PAN2: variants seen among roughly 807,000 people sequenced by gnomAD.
PAN2 encodes poly(A) specific ribonuclease subunit PAN2, also known as PAN2-PAN3 deadenylation complex catalytic subunit PAN2.
A neutral mutation model predicts 133.3 loss-of-function variants in PAN2; 68 were observed. The observed-to-expected ratio is 0.51, with a 90% CI of 0.42 to 0.62. The LOEUF is 0.62. Ranked by LOEUF, PAN2 falls within the 20% of genes least tolerant of loss-of-function variation. The pLI is 0.00. For synonymous variants in PAN2, 462 were observed against 544.6 expected, an observed-to-expected ratio of 0.85 and a Z score of 2.11; for missense variants, 1,042 against 1,500.5, an observed-to-expected ratio of 0.69 and a Z score of 5.05.
Position 56,322,731 on chromosome 12 carries a change from G to A in PAN2, c.2521C>T (p.His841Tyr), listed in dbSNP as rs1465957099. The A allele has an allele frequency of 6.2e-7, 1 of 1,613,822 alleles. No homozygotes were observed. Among genetic ancestry groups the A allele is most frequent in the South Asian group, 1.1e-5 (1 of 91,074 alleles). ...QWGPARAEEE[H>Y]GVYVYDLMAT... ...ATCAGGTCATACACATAGACACCAT[G>A]CTCCTCCTCTGCCCTGGCTGGGCCC... Residue 841 changes from histidine (H) to tyrosine (Y), a missense_variant, in exon 18 of 26, where the codon CAT becomes TAT. His to Tyr is a moderately conservative substitution (Grantham distance 83). This residue lies in a region of PAN2 where 908 missense variants were observed against 1,223.5 expected (regional missense o/e 0.74). Coordinates refer to ENST00000440411, the MANE Select transcript of PAN2 (RefSeq NM_014871.6).
chr12:56,326,979 C>T lies in PAN2; in HGVS notation c.920-20G>A, dbSNP rs1291082248. 1 of 1,593,236 alleles carries T rather than the reference C, an allele frequency of 6.3e-7. No individual in the cohort carries two copies. The highest frequency in any genetic ancestry group is 1.3e-5 in the African/African-American group (1 of 74,416). On this transcript the variant is annotated intron_variant, in intron 6 of 25. Transcript: ENST00000440411. ...ACTGCCCTACAAAGGAGGAAGAAACCCACTGAGCCCTAGAAAGTGAAAGGG... is the reference window on the plus strand; with the variant it reads ...ACTGCCCTACAAAGGAGGAAGAAACTCACTGAGCCCTAGAAAGTGAAAGGG...
intron 20 of PAN2, 53 bp from the exon 21 acceptor site, chr12:56,320,074 G>C (rs955700839): frequency 1.1e-5 from 17 of 1,572,320 alleles, no homozygotes; most frequent in Admixed American, 5.1e-5. Flanking sequence ...GTGACTAGGG[G>C]AGAGAAGCCC....
chr12:56,325,182 T>C (rs1379873622), intron 9 of PAN2, 54 bp from the exon 10 acceptor site: 1 of 1,597,826 alleles, frequency 6.3e-7, no homozygotes, highest in South Asian at 1.1e-5. Flanking sequence ...TCCCCAAATC[T>C]TTCCAGTAGC....
rs371921550 is a variant in PAN2 at position 56,323,871 on chromosome 12, C to T, written c.2108G>A (p.Arg703Gln). ...KNYDFAQVLK[R>Q]SICLDQNTQA... is the part of the protein sequence containing the mutation. ...TGTATTCTGGTCCAGGCAGATGCTTCGCTTCAGCACCTGAGCAAAGTCATA... is the reference window on the plus strand; with the variant it reads ...TGTATTCTGGTCCAGGCAGATGCTTTGCTTCAGCACCTGAGCAAAGTCATA... The change falls in exon 14 of 26, where the codon CGA becomes CAA. Residue 703 changes from arginine (R) to glutamine (Q), a missense_variant. Transcript: ENST00000440411. 2.2e-5 allele frequency: 36 copies of T among 1,614,032 alleles called. No homozygotes were observed. Among genetic ancestry groups the T allele is most frequent in the South Asian group, 2.2e-4 (20 of 91,086 alleles).
chr12:56,318,289 GC>G lies in PAN2; in HGVS notation c.3509del (p.Gly1170AlafsTer79), dbSNP rs752870826. The G allele has an allele frequency of 1.2e-6, 2 of 1,614,062 alleles. No individual in the cohort carries two copies. Among genetic ancestry groups the G allele is most frequent in the South Asian group, 2.2e-5 (2 of 91,078 alleles). ...CAGGCACCTTCCAGTCCATCTTTCT[GC>G]CCTTCTCATAAAGACCCTTGAGCAC... ...HKVLKGLYEK[G>X]RKMDWKVPEP... On this transcript the variant is annotated frameshift_variant, in exon 25 of 26. Transcript: ENST00000440411. LOFTEE classifies it high-confidence loss of function.
In PAN2 at chr12:56,326,978, C is replaced by T. The variant is rs762784564; in HGVS notation, c.920-19G>A. ...CACTGCCCTACAAAGGAGGAAGAAA[C>T]CCACTGAGCCCTAGAAAGTGAAAGG... is the stretch of plus-strand genomic sequence containing the variant. On this transcript the variant is annotated intron_variant, in intron 6 of 25. Transcript: ENST00000440411. 4 of 1,592,608 alleles carry T rather than the reference C, an allele frequency of 2.5e-6. No homozygotes were observed. Among genetic ancestry groups the T allele is most frequent in the East Asian group, 2.2e-5 (1 of 44,670 alleles).
Position 56,327,576 on chromosome 12 carries a change from G to A in PAN2, c.707C>T (p.Ser236Leu), listed in dbSNP as rs775159385. The A allele has an allele frequency of 1.2e-5, 20 of 1,613,968 alleles. No homozygotes were observed. In the Admixed American group the frequency reaches 2.3e-4, roughly 19 times the overall value. ...CACATCAAAGTCTGACAGACTTCCTGAGAAGGCATCAAACTCATGTTCCAC... is the reference window on the plus strand; with the variant it reads ...CACATCAAAGTCTGACAGACTTCCTAAGAAGGCATCAAACTCATGTTCCAC... ...FKVEHEFDAF[S>L]GSLSDFDVHG... The change falls in exon 6 of 26, where the codon TCA becomes TTA. Residue 236 changes from serine (S) to leucine (L), a missense_variant. Around this residue, in one of 3 missense-constraint regions of PAN2, gnomAD observed 908 missense variants for 1,223.5 expected, o/e 0.74. Transcript: ENST00000440411.
Position 56,328,345 on chromosome 12 carries a change from C to A in PAN2, c.466G>T (p.Glu156Ter). ...IIFDYLLDEN[E>*]DMHSLLLTDS... Reference sequence around the variant, plus strand: ...GTCAGTAGGAGACTGTGCATATCCTCATTCTCATCCAGCCTGGTGGGGAGA... The same window carrying A: ...GTCAGTAGGAGACTGTGCATATCCTAATTCTCATCCAGCCTGGTGGGGAGA... Residue 156 changes from glutamate to a stop codon, truncating the protein, a stop_gained, in exon 4 of 26, where the codon GAG (glutamate) becomes TAG (stop). Transcript: ENST00000440411. LOFTEE classifies it high-confidence loss of function. 1 of 1,599,978 alleles carries A rather than the reference C, an allele frequency of 6.3e-7. No individual in the cohort carries two copies. Among genetic ancestry groups the A allele is most frequent in the South Asian group, 1.1e-5 (1 of 89,312 alleles).
Position 56,333,994 on chromosome 12 carries a change from C to G in PAN2, c.-247G>C, listed in dbSNP as rs1368026542. Reference sequence around the variant, plus strand: ...CCACGCCTAGGGCTCAACCTAACCACTACGGCGCCAAGGACCGGGGTCCGA... The same window carrying G: ...CCACGCCTAGGGCTCAACCTAACCAGTACGGCGCCAAGGACCGGGGTCCGA... On this transcript the variant is annotated 5_prime_UTR_variant, in exon 1 of 26. Transcript: ENST00000440411. 1 of 152,182 alleles carries G rather than the reference C, an allele frequency of 6.6e-6. No homozygotes were observed. The highest frequency in any genetic ancestry group is 6.5e-5 in the Admixed American group (1 of 15,280). The allele number at this position is 152,182 out of a possible 1,614,324, so 9.4% of individuals were successfully genotyped here.
chr12:56,323,040 C>T, intron 17 of PAN2, 22 bp downstream of exon 17: 1 of 1,613,418 alleles, frequency 6.2e-7, no homozygotes. Context: ...ATTCCCTTTC[C>T]TCTTCCCGGT....
In PAN2 at chr12:56,317,457, C is replaced by A; in HGVS notation, c.*152G>T. The A allele has an allele frequency of 1.5e-6, 1 of 665,638 alleles. No individual in the cohort carries two copies. Among genetic ancestry groups the A allele is most frequent in the Admixed American group, 2.7e-5 (1 of 36,870 alleles). 41.2% of individuals were successfully genotyped at this position (665,638 alleles called of 1,614,324 possible). On this transcript the variant is annotated 3_prime_UTR_variant, in exon 26 of 26. Coordinates refer to ENST00000440411, the MANE Select transcript of PAN2 (RefSeq NM_014871.6). Reference sequence around the variant, plus strand: ...CCTTTGCAACAATTCTGCTGTGTTCCAGTTCAATTAATAGCACCATCTGTG... The same window carrying A: ...CCTTTGCAACAATTCTGCTGTGTTCAAGTTCAATTAATAGCACCATCTGTG...
rs575919125 is a variant in PAN2 at position 56,333,998 on chromosome 12, G to C, written c.-251C>G. ...GCCTAGGGCTCAACCTAACCACTAC[G>C]GCGCCAAGGACCGGGGTCCGAGGCG... On this transcript the variant is annotated 5_prime_UTR_variant, in exon 1 of 26. Transcript: ENST00000440411. The C allele has an allele frequency of 9.2e-5, 14 of 152,026 alleles. No individual in the cohort carries two copies. The highest frequency in any genetic ancestry group is 2.9e-5 in the Non-Finnish European group (2 of 68,030). 9.4% of individuals were successfully genotyped at this position (152,026 alleles called of 1,614,324 possible).
Position 56,325,442 on chromosome 12 carries a change from G to A in PAN2, c.1372C>T (p.Leu458Phe). The change falls in exon 9 of 26, where the codon CTC becomes TTC. Residue 458 changes from leucine to phenylalanine, a missense_variant. This residue lies in a region of PAN2 where 908 missense variants were observed against 1,223.5 expected (regional missense o/e 0.74). Transcript: ENST00000440411. ...TRLRNQIPYR[L>F]KESDSEFDSF... ...TCAAATTCACTGTCTGACTCCTTGA[G>A]TCTGTAGGGTATCTAGGGATTTTAG... is the stretch of plus-strand genomic sequence containing the variant. The A allele has an allele frequency of 6.2e-7, 1 of 1,614,146 alleles. No homozygotes were observed. Among genetic ancestry groups the A allele is most frequent in the East Asian group, 2.2e-5 (1 of 44,888 alleles).
Position 56,328,249 on chromosome 12 carries a change from C to T in PAN2, c.562G>A (p.Glu188Lys), listed in dbSNP as rs1032688180. The change falls in exon 4 of 26, where the codon GAG becomes AAG. Residue 188 changes from glutamate to lysine, a missense_variant. By Grantham distance (56) the Glu-to-Lys change is moderately conservative. Transcript: ENST00000440411. ...CCCCAAGCTTGTACCTTCTGAGTCT[C>T]CTGGACAGTGTTAAGATCAATCTCT... ...IIEIDLNTVQ[E>K]TQKYAVETPG... 6.3e-7 allele frequency: 1 copy of T among 1,597,950 alleles called. No homozygotes were observed. Among genetic ancestry groups the T allele is most frequent in the Non-Finnish European group, 8.5e-7 (1 of 1,171,764 alleles).
At chr12:56,329,342 A>G (rs190895638) in intron 2 of PAN2, among the ~76,000 whole-genome samples, 2 of 151,734 alleles carry the variant, frequency 1.3e-5, no homozygotes, top group Admixed American at 1.3e-4. Context: ...TTATTTATGT[A>G]TTTATTTTTT....
In PAN2 at chr12:56,326,372, T is replaced by C; in HGVS notation, c.1300A>G (p.Met434Val). Residue 434 changes from methionine to valine, a missense_variant, in exon 8 of 26, where the codon ATG becomes GTG. Coordinates refer to ENST00000440411, the MANE Select transcript of PAN2 (RefSeq NM_014871.6). ...PPVDAEILRT[M>V]KKVGFIGYAP... Reference sequence around the variant, plus strand: ...TAGCCAATGAAGCCCACCTTCTTCATGGTGCGCAGAATCTCTGCATCCACG... The same window carrying C: ...TAGCCAATGAAGCCCACCTTCTTCACGGTGCGCAGAATCTCTGCATCCACG... 6.2e-7 allele frequency: 1 copy of C among 1,603,376 alleles called. No individual in the cohort carries two copies. Among genetic ancestry groups the C allele is most frequent in the Non-Finnish European group, 8.5e-7 (1 of 1,173,212 alleles).
In PAN2 at chr12:56,324,147, A is replaced by G. The variant is rs745669460; in HGVS notation, c.1967T>C (p.Leu656Pro). Residue 656 changes from leucine (L) to proline (P), a missense_variant, in exon 13 of 26, where the codon CTC (leucine) becomes CCC (proline). Transcript: ENST00000440411. ...CSSGDSVIGQ[L>P]FSCEMENCSL... ...GCAGTTCTCCATCTCACAGCTGAAGAGCTGCCCAATAACAGAGTCCCCCGA... is the reference window on the plus strand; with the variant it reads ...GCAGTTCTCCATCTCACAGCTGAAGGGCTGCCCAATAACAGAGTCCCCCGA... The G allele has an allele frequency of 2.5e-6, 4 of 1,614,004 alleles. No homozygotes were observed. The Admixed American group carries it at 6.7e-5, about 27-fold the overall frequency.
In PAN2 at chr12:56,327,419, G is replaced by A; in HGVS notation, c.864C>T (p.Ala288=). Residue 288 remains alanine, a synonymous_variant, in exon 6 of 26, where the codon GCC becomes GCT. Transcript: ENST00000440411. ...ITPLQVHVDP[A]FLRFIPTYTS... is the part of the protein sequence containing the mutation. The stretch of plus-strand genomic sequence containing the variant: ...TATATGTAGGAATGAAGCGCAAGAA[G>A]GCAGGATCCACATGTACTTGAAGTG... The A allele has an allele frequency of 6.2e-7, 1 of 1,614,180 alleles. No homozygotes were observed.
At chr12:56,329,528 A>G (rs914286583) in intron 2 of PAN2, among the ~76,000 whole-genome samples, 1 of 151,800 alleles carries the variant, frequency 6.6e-6, no homozygotes, top group Admixed American at 6.6e-5. Flanking sequence ...AGGGGGTTTC[A>G]CCATGTTGGC....
Sources: allele counts gnomAD v4.1 joint callset (sites outside exome capture counted in the v4.1 genomes callset), GRCh38; gene constraint gnomAD v4.1.1; regional missense constraint gnomAD v4.1.1; transcripts MANE v1.5; gene names NCBI Gene and HGNC (gene_info 2026-07-23, HGNC 2026-07-21).